The following CERS3 variants were observed in gnomAD, a reference collection of about 807,000 sequenced individuals.
The protein encoded by CERS3 is LAG1 homolog, ceramide synthase 3.
A neutral mutation model predicts 50.3 loss-of-function variants in CERS3; 33 were observed. That is an observed-to-expected ratio of 0.66 (90% confidence interval 0.50 to 0.88). The LOEUF is 0.88. Among genes scored for constraint, CERS3 ranks in the 40% least tolerant of loss-of-function variants. CERS3 has a pLI of 0.00. For missense variants in CERS3, 470 were observed against 460.3 expected (o/e 1.02, Z -0.19); for synonymous variants, 176 against 155.2 (o/e 1.13, Z -0.99).
At chr15:100,423,107 AAAAG>A (rs1234679105) in intron 11 of CERS3, among the ~76,000 whole-genome samples, 2 of 151,998 alleles carry the variant, frequency 1.3e-5, no homozygotes, top group Non-Finnish European at 2.9e-5. Flanking sequence ...TGTTAAAAAA[AAAAG>A]AAAATAACAG....
At chr15:100,517,701 A>G (rs987420347) in intron 2 of CERS3, among the ~76,000 whole-genome samples, 2 of 152,150 alleles carry the variant, frequency 1.3e-5, no homozygotes, top group Non-Finnish European at 1.5e-5. Context: ...GTTTGCAGGC[A>G]GGGTTTCCTG....
chr15:100,404,266 A>G (rs542921577), intron 11 of CERS3, among the ~76,000 whole-genome samples: 1 of 152,366 alleles, frequency 6.6e-6, no homozygotes, highest in East Asian at 1.9e-4. Context: ...TTTGAGCACC[A>G]AATTTGTAGA....
intron 11 of CERS3, among the ~76,000 whole-genome samples, chr15:100,408,040 G>GT (rs2142050309): frequency 6.6e-6 from 1 of 152,000 alleles, no homozygotes; most frequent in South Asian, 2.1e-4. Context: ...CCTGGCTAAT[G>GT]TTTATATTTT....
rs184583313 is a variant in CERS3, at chr15:100,403,769, G to C, written c.1000-904C>G. On this transcript the variant is annotated intron_variant, in intron 11 of 11. Transcript: ENST00000679737. ...GTAATCAAAAACCTGAAAAACAGCA[G>C]CACTAGGTCCAAATGTTTACACTGG... 1.7e-3 allele frequency among the ~76,000 whole-genome samples: 252 copies of C among 152,272 alleles called. 1 individual carries two copies. The highest frequency in any genetic ancestry group is 9.1e-3 in the South Asian group (44 of 4,828).
chr15:100,490,236 G>T (rs1265699102), intron 4 of CERS3, among the ~76,000 whole-genome samples: 2 of 152,026 alleles, frequency 1.3e-5, no homozygotes, highest in African/African-American at 4.8e-5. Context: ...ATGTATTTAA[G>T]CATGCAGTGC....
intron 3 of CERS3, among the ~76,000 whole-genome samples, chr15:100,501,422 C>T (rs1325923393): frequency 6.6e-6 from 1 of 152,214 alleles, no homozygotes; most frequent in Non-Finnish European, 1.5e-5. Flanking sequence ...TCCGCAACCT[C>T]TCTTGATCTT....
rs117809886 is a variant in CERS3 at position 100,405,055 on chromosome 15, C to T, written c.1000-2190G>A. Among the ~76,000 whole-genome samples the T allele has an allele frequency of 2.0e-3, 302 of 152,004 alleles. 2 individuals carry two copies. The highest frequency in any genetic ancestry group is 3.5e-3 in the Non-Finnish European group (241 of 67,974). The stretch of plus-strand genomic sequence containing the variant: ...GATCTGGGCAACGAGTTCTTAAACA[C>T]GGCACTAAAAACATGAAAGAAAAAA... On this transcript the variant is annotated intron_variant, in intron 11 of 11. Transcript: ENST00000679737.
intron 11 of CERS3, among the ~76,000 whole-genome samples, chr15:100,414,318 A>G (rs189449263): frequency 6.6e-6 from 1 of 152,364 alleles, no homozygotes; most frequent in Non-Finnish European, 1.5e-5. Context: ...TGTTCATGAC[A>G]GGAAGAATCA....
chr15:100,403,232 CAT>C (rs1257681458), intron 11 of CERS3, among the ~76,000 whole-genome samples: 1 of 151,982 alleles, frequency 6.6e-6, no homozygotes. Context: ...GAAAATGCAA[CAT>C]ATCAAAATTT....
intron 2 of CERS3, among the ~76,000 whole-genome samples, chr15:100,502,918 G>A (rs2036055981): frequency 1.3e-5 from 2 of 152,152 alleles, no homozygotes; most frequent in South Asian, 4.1e-4. Context: ...GAGATATCTT[G>A]AACAATAAGT....
chr15:100,419,864 A>C (rs1177159344), intron 11 of CERS3, among the ~76,000 whole-genome samples: 3 of 147,434 alleles, frequency 2.0e-5, no homozygotes, highest in African/African-American at 7.5e-5. Flanking sequence ...GGCAGAAATA[A>C]AGATGTTCTT....
At chr15:100,455,829 A>C in intron 11 of CERS3, 64 bp downstream of exon 11, 1 of 951,800 alleles carries the variant, frequency 1.1e-6, no homozygotes, top group Non-Finnish European at 1.5e-6. Flanking sequence ...AACATTCAAC[A>C]GTCCGGGCCT....
At chr15:100,443,119 T>C (rs1456022092) in intron 11 of CERS3, among the ~76,000 whole-genome samples, 888 of 149,248 alleles carry the variant, frequency 5.9e-3, no homozygotes, top group African/African-American at 0.022. Context: ...ACCTCATTAC[T>C]GCCCTTCTTC....
At chr15:100,448,388 C>T (rs960363710) in intron 11 of CERS3, among the ~76,000 whole-genome samples, 2 of 152,170 alleles carry the variant, frequency 1.3e-5, no homozygotes, top group Non-Finnish European at 2.9e-5. Flanking sequence ...TGGAGATACT[C>T]CCCAATGTGG....
intron 2 of CERS3, chr15:100,503,757 G>A (rs368574016): frequency 8.1e-5 from 38 of 470,538 alleles, no homozygotes; most frequent in East Asian, 5.6e-4. Context: ...AGGAGATGGA[G>A]AAACTAGAGG....
rs759271692 is a variant in CERS3, at chr15:100,455,874, A to G, written c.999+19T>C. On this transcript the variant is annotated intron_variant, in intron 11 of 11. Transcript: ENST00000679737. ...CCTGGCAATGACATTAAGAGCAATA[A>G]TATTTGGACAGCCCTTACCTTCATG... is the stretch of plus-strand genomic sequence containing the variant. 5.1e-6 allele frequency: 8 copies of G among 1,558,050 alleles called. No individual in the cohort carries two copies. The highest frequency in any genetic ancestry group is 1.4e-5 in the African/African-American group (1 of 72,232).
chr15:100,439,280 C>T (rs1487576929), intron 11 of CERS3, among the ~76,000 whole-genome samples: 1 of 152,180 alleles, frequency 6.6e-6, no homozygotes, highest in East Asian at 1.9e-4. Context: ...ACCAAAAATG[C>T]TATTTTAAAA....
upstream of CERS3, among the ~76,000 whole-genome samples, chr15:100,533,288 C>G (rs543768385): frequency 1.7e-3 from 253 of 152,256 alleles, 1 homozygote; most frequent in African/African-American, 5.7e-3. Context: ...GCCTCTCCCC[C>G]ACGTAAGCTT....
At chr15:100,526,706 T>C (rs564875933) in intron 1 of CERS3, among the ~76,000 whole-genome samples, 1 of 151,938 alleles carries the variant, frequency 6.6e-6, no homozygotes, top group Admixed American at 6.5e-5. Context: ...CCCAAGAAAG[T>C]ACACTAGGAT....
Sources: allele counts gnomAD v4.1 joint callset (sites outside exome capture counted in the v4.1 genomes callset), GRCh38; gene constraint gnomAD v4.1.1; transcripts MANE v1.5; gene names NCBI Gene and HGNC (gene_info 2026-07-23, HGNC 2026-07-21).